The following GFPT1 variants were observed in gnomAD, a reference collection of about 807,000 sequenced individuals.
GFPT1 encodes glutamine--fructose-6-phosphate transaminase 1, also known as glutamine--fructose-6-phosphate aminotransferase [isomerizing] 1.
Under a neutral mutation model 92.0 loss-of-function variants are expected in GFPT1, and 40 were observed. The ratio of observed to expected loss-of-function variants is 0.43; its 90% CI spans 0.34 to 0.57. GFPT1 has a LOEUF of 0.57. Ranked by LOEUF, GFPT1 falls within the 20% of genes least tolerant of loss-of-function variation. The pLI, the probability that GFPT1 is intolerant of heterozygous loss-of-function variation, is 0.02. For synonymous variants in GFPT1, 269 were observed against 280.6 expected (o/e 0.96, Z 0.41); for missense variants, 448 against 869.1 (o/e 0.52, Z 6.09).
chr2:69,376,809 TG>T (rs1455202159), intron 1 of GFPT1, among the ~76,000 whole-genome samples: 1 of 152,194 alleles, frequency 6.6e-6, no homozygotes, highest in East Asian at 1.9e-4. Flanking sequence ...GTAAGCCGGA[TG>T]GTAAATGATT....
rs980858770 is a variant in GFPT1 at position 69,348,242 on chromosome 2, T to C, written c.938A>G (p.Lys313Arg). 1 of 1,613,470 alleles carries C rather than the reference T, an allele frequency of 6.2e-7. No individual in the cohort carries two copies. Among genetic ancestry groups the C allele is most frequent in the Admixed American group, 1.7e-5 (1 of 60,028 alleles). The change falls in exon 11 of 20, where the codon AAA (lysine) becomes AGA (arginine). Residue 313 changes from lysine to arginine, a missense_variant. Lys to Arg is a conservative substitution (Grantham distance 26). Transcript: ENST00000357308. ...VDGRLSIHRI[K>R]RTAGDHPGRA... ...TCCGGGGTGATCTCCTGCAGTTCGT[T>C]TAATTCGATGGATAGAAAGACGTCC... is the stretch of plus-strand genomic sequence containing the variant.
Position 69,387,063 on chromosome 2 carries a change from A to C in GFPT1, c.7+2T>G. ...CACGCCCCCCGCTCCCGGCCCCCTT[A>C]CCACACATGATGCCGGAGACACGGC... On this transcript the variant is annotated splice_donor_variant, in intron 1 of 19. Coordinates refer to ENST00000357308, the MANE Select transcript of GFPT1 (RefSeq NM_001244710.2). LOFTEE classifies it high-confidence loss of function. 6.5e-7 allele frequency: 1 copy of C among 1,535,846 alleles called. No individual in the cohort carries two copies. Among genetic ancestry groups the C allele is most frequent in the South Asian group, 1.2e-5 (1 of 84,266 alleles).
In GFPT1 at chr2:69,345,974, C is replaced by T. The variant is rs373488949; in HGVS notation, c.1035G>A (p.Lys345=). The T allele has an allele frequency of 2.3e-5, 37 of 1,605,952 alleles. No individual in the cohort carries two copies. The East Asian group carries it at 2.9e-4, about 13-fold the overall frequency. ...CAGACTCTGGCTGCTCAAATATTTC[C>T]TTCTGCATAAATGAACTGAAGTTGC... The part of the protein sequence containing the change: ...MKGNFSSFMQ[K]EIFEQPESVV... Residue 345 remains lysine (K), a synonymous_variant, in exon 12 of 20, where the codon AAG becomes AAA. Coordinates refer to ENST00000357308, the MANE Select transcript of GFPT1 (RefSeq NM_001244710.2).
rs886056233 is a variant in GFPT1, at chr2:69,320,757, C to A, written c.*5432G>T. 1 of 150,932 alleles carries A rather than the reference C, an allele frequency of 6.6e-6. No homozygotes were observed. Among genetic ancestry groups the A allele is most frequent in the Non-Finnish European group, 1.5e-5 (1 of 67,992 alleles). 9.3% of individuals were successfully genotyped at this position (150,932 alleles called of 1,614,324 possible). A position where few individuals can be genotyped will look rare whatever the true frequency, so the allele number is the denominator to read the frequency against. On this transcript the variant is annotated 3_prime_UTR_variant, in exon 20 of 20. Transcript: ENST00000357308. ...CAGCCAAGATTGCAGCACTGCATGC[C>A]AGCCTGGGCAACAGAGCAAAACTCC...
At chr2:69,376,741 G>A (rs1671881356) in intron 1 of GFPT1, among the ~76,000 whole-genome samples, 1 of 152,134 alleles carries the variant, frequency 6.6e-6, no homozygotes, top group South Asian at 2.1e-4. Flanking sequence ...AAGTCTGATA[G>A]TAAAAGTAAA....
chr2:69,364,387 T>C (rs1404069567), intron 3 of GFPT1, among the ~76,000 whole-genome samples: 2 of 152,200 alleles, frequency 1.3e-5, no homozygotes, highest in Non-Finnish European at 2.9e-5. Context: ...TTCTTTCAAG[T>C]TTCCTGGAGA....
intron 12 of GFPT1, among the ~76,000 whole-genome samples, chr2:69,344,030 C>A (rs910373988): frequency 6.6e-6 from 1 of 152,090 alleles, no homozygotes; most frequent in Non-Finnish European, 1.5e-5. Context: ...GGCCTTCTTG[C>A]TGTTACTGCA....
chr2:69,363,296 G>T (rs1221837612), intron 4 of GFPT1, among the ~76,000 whole-genome samples: 1 of 151,968 alleles, frequency 6.6e-6, no homozygotes, highest in South Asian at 2.1e-4. Flanking sequence ...TAGAGACAGG[G>T]TCTCACTATG....
chr2:69,326,244 A>G lies in GFPT1; in HGVS notation c.2056-11T>C, dbSNP rs76840740. On this transcript the variant is annotated splice_polypyrimidine_tract_variant and intron_variant, in intron 19 of 19. Coordinates refer to ENST00000357308, the MANE Select transcript of GFPT1 (RefSeq NM_001244710.2). ...CCGTGGGAAATCAACCTGCAAAAAG[A>G]AAAAAAAAAAAAGCAAGATTTGAGA... 9.8e-6 allele frequency: 1 copy of G among 102,194 alleles called. No homozygotes were observed. The highest frequency in any genetic ancestry group is 1.3e-5 in the Non-Finnish European group (1 of 76,964). The allele number at this position is 102,194 out of a possible 1,614,324, so 6.3% of individuals were successfully genotyped here.
chr2:69,370,976 G>C (rs980319175), intron 2 of GFPT1, among the ~76,000 whole-genome samples: 4 of 151,916 alleles, frequency 2.6e-5, no homozygotes, highest in Non-Finnish European at 5.9e-5. Context: ...TTCCAGCCTG[G>C]GCGACAGAGT....
chr2:69,338,575 A>AAAT lies in GFPT1; in HGVS notation c.1204-13_1204-11dup, dbSNP rs1178377880. 6.2e-7 allele frequency: 1 copy of AAAT among 1,613,940 alleles called. No individual in the cohort carries two copies. The highest frequency in any genetic ancestry group is 1.3e-5 in the African/African-American group (1 of 75,058). The stretch of plus-strand genomic sequence containing the variant: ...CAAGAACTTGACGTGTCTGCAGAGA[A>AAAT]AATATGACTTGGTCACAGAACTTTC... On this transcript the variant is annotated splice_polypyrimidine_tract_variant and intron_variant, in intron 13 of 19. Coordinates refer to ENST00000357308, the MANE Select transcript of GFPT1 (RefSeq NM_001244710.2).
intron 9 of GFPT1, among the ~76,000 whole-genome samples, chr2:69,350,710 C>G (rs1472678361): frequency 1.3e-5 from 2 of 152,064 alleles, no homozygotes; most frequent in Non-Finnish European, 2.9e-5. Context: ...CAAGACCAGC[C>G]TGGTCAACAT....
rs1350294361 is a variant in GFPT1, at chr2:69,324,752, G to C, written c.*1437C>G. The C allele has an allele frequency of 6.6e-6, 1 of 152,076 alleles. No homozygotes were observed. Among genetic ancestry groups the C allele is most frequent in the Non-Finnish European group, 1.5e-5 (1 of 67,996 alleles). The allele number at this position is 152,076 out of a possible 1,614,324, so 9.4% of individuals were successfully genotyped here. On this transcript the variant is annotated 3_prime_UTR_variant, in exon 20 of 20. Coordinates refer to ENST00000357308, the MANE Select transcript of GFPT1 (RefSeq NM_001244710.2). The stretch of plus-strand genomic sequence containing the variant: ...AATAGCTTATCTTCACAATTTAAAA[G>C]TAAAAACCTTTGAAAAAGAAGGACT...
intron 12 of GFPT1, among the ~76,000 whole-genome samples, chr2:69,343,409 C>G (rs1671003031): frequency 6.6e-6 from 1 of 151,322 alleles, no homozygotes; most frequent in African/African-American, 2.4e-5. Flanking sequence ...TCTTCATCTC[C>G]TCACCTTTTT....
chr2:69,362,013 T>C (rs1671484241), intron 4 of GFPT1, among the ~76,000 whole-genome samples: 1 of 152,068 alleles, frequency 6.6e-6, no homozygotes, highest in Non-Finnish European at 1.5e-5. Context: ...GAGGGATAAA[T>C]ACACACATAC....
intron 1 of GFPT1, among the ~76,000 whole-genome samples, chr2:69,386,306 G>A (rs1672127933): frequency 6.6e-6 from 1 of 152,194 alleles, no homozygotes; most frequent in South Asian, 2.1e-4. Context: ...TATTTTTAAT[G>A]GATGCACATG....
chr2:69,326,018 A>T lies in GFPT1; in HGVS notation c.*171T>A. 1.7e-6 allele frequency: 1 copy of T among 577,466 alleles called. No individual in the cohort carries two copies. Among genetic ancestry groups the T allele is most frequent in the South Asian group, 2.4e-5 (1 of 42,484 alleles). The allele number at this position is 577,466 out of a possible 1,614,324, so 35.8% of individuals were successfully genotyped here. On this transcript the variant is annotated 3_prime_UTR_variant, in exon 20 of 20. Transcript: ENST00000357308. ...CCACAAATTACTGGGAAAATGTAAG[A>T]GGTAACTTCACAAAAATCACATATT... is the stretch of plus-strand genomic sequence containing the variant.
chr2:69,353,943 C>T lies in GFPT1; in HGVS notation c.739+316G>A, dbSNP rs61301836. Among the ~76,000 whole-genome samples the T allele has an allele frequency of 0.015, 2,234 of 152,252 alleles. 126 individuals carry two copies. The East Asian group carries it at 0.18, about 13-fold the overall frequency. ...ACTTAGTCAATCTATAATAACCTAG[C>T]ACACAATGCTCTTTTCCTAATCTAA... is the stretch of plus-strand genomic sequence containing the variant. On this transcript the variant is annotated intron_variant, in intron 9 of 19. Transcript: ENST00000357308.
rs183615424 is a variant in GFPT1 at position 69,338,881 on chromosome 2, C to A, written c.1204-316G>T. On this transcript the variant is annotated intron_variant, in intron 13 of 19. Coordinates refer to ENST00000357308, the MANE Select transcript of GFPT1 (RefSeq NM_001244710.2). The stretch of plus-strand genomic sequence containing the variant: ...GTGGTGCCATCTCGGCTCACCGTAA[C>A]CTCCGCCTCCCGGGTTCAAGCAATT... Among the ~76,000 whole-genome samples the A allele has an allele frequency of 4.6e-3, 677 of 146,880 alleles. 9 individuals are homozygous for A. Among genetic ancestry groups the A allele is most frequent in the Admixed American group, 0.011 (165 of 14,364 alleles).
Sources: gnomAD v4.1 joint callset for allele counts (sites outside exome capture counted in the v4.1 genomes callset) on GRCh38, gnomAD v4.1.1 for gene constraint, MANE v1.5 for transcripts, NCBI Gene and HGNC (gene_info 2026-07-23, HGNC 2026-07-21) for gene names.